The following AFF4 variants were observed in gnomAD, a reference collection of about 807,000 sequenced individuals.
AFF4 encodes the protein ALF transcription elongation factor 4.
In AFF4, 13 loss-of-function variants were observed where a neutral mutation model predicts 124.8. The ratio of observed to expected loss-of-function variants is 0.10; its 90% CI spans 0.07 to 0.17. AFF4 has a LOEUF of 0.17. Ranked by LOEUF, AFF4 falls within the 10% of genes least tolerant of loss-of-function variation. AFF4 has a pLI of 1.00. For missense variants in AFF4, 1,092 were observed against 1,403.8 expected, an observed-to-expected ratio of 0.78 and a Z score of 3.55; for synonymous variants, 477 against 496.1, an observed-to-expected ratio of 0.96 and a Z score of 0.51.
intron 1 of AFF4, among the ~76,000 whole-genome samples, chr5:132,946,216 G>A (rs1269381459): frequency 2.0e-5 from 3 of 152,210 alleles, no homozygotes; most frequent in Non-Finnish European, 4.4e-5. Context: ...TGCACTGCTG[G>A]TGGGAATATG....
intron 5 of AFF4, among the ~76,000 whole-genome samples, chr5:132,907,925 T>C (rs1462720152): frequency 6.6e-6 from 1 of 152,106 alleles, no homozygotes; most frequent in African/African-American, 2.4e-5. Flanking sequence ...TAGACCATAT[T>C]AAAGACCTGT....
rs191453504 is a variant in AFF4, at chr5:132,923,033, G to A, written c.1050+4088C>T. 5.4e-3 allele frequency among the ~76,000 whole-genome samples: 820 copies of A among 151,078 alleles called. 4 individuals are homozygous for A. The highest frequency in any genetic ancestry group is 0.028 in the Middle Eastern group (8 of 286). ...CTACTAAAAACACAAAAAAGTAGCC[G>A]GGCGTGGTGGTGCGTACCTGTAGTC... On this transcript the variant is annotated intron_variant, in intron 5 of 20. Transcript: ENST00000265343.
chr5:132,951,320 A>T (rs1401181374), intron 1 of AFF4, among the ~76,000 whole-genome samples: 3 of 152,208 alleles, frequency 2.0e-5, no homozygotes, highest in African/African-American at 7.2e-5. Context: ...GCAACCACTC[A>T]TTTTATAAAA....
Position 132,879,902 on chromosome 5 carries a change from T to G in AFF4, c.*1157A>C, listed in dbSNP as rs906265500. On this transcript the variant is annotated 3_prime_UTR_variant, in exon 21 of 21. Coordinates refer to ENST00000265343, the MANE Select transcript of AFF4 (RefSeq NM_014423.4). ...GAGGGCCTTCATAATGCAAAAGGAG[T>G]AAACAGAAGATAGGTTTAAAAAGGA... is the stretch of plus-strand genomic sequence containing the variant. 1.1e-5 allele frequency: 3 copies of G among 273,332 alleles called. No individual in the cohort carries two copies. Among genetic ancestry groups the G allele is most frequent in the Non-Finnish European group, 2.1e-5 (3 of 145,866 alleles). 16.9% of individuals were successfully genotyped at this position (273,332 alleles called of 1,614,324 possible). A position where few individuals can be genotyped will look rare whatever the true frequency, so the allele number is the denominator to read the frequency against.
At chr5:132,904,553 G>C in intron 5 of AFF4, 149 bp from the exon 6 acceptor site, 1 of 659,684 alleles carries the variant, frequency 1.5e-6, no homozygotes, top group Non-Finnish European at 2.6e-6. Context: ...GGCAATTTTG[G>C]GATCAATAAT....
chr5:132,905,162 A>G (rs1385311623), intron 5 of AFF4, among the ~76,000 whole-genome samples: 1 of 152,050 alleles, frequency 6.6e-6, no homozygotes, highest in Non-Finnish European at 1.5e-5. Context: ...TATATACATT[A>G]GCAACGTGAG....
intron 1 of AFF4, among the ~76,000 whole-genome samples, chr5:132,954,580 C>T (rs575224428): frequency 2.0e-3 from 283 of 139,978 alleles, no homozygotes; most frequent in Non-Finnish European, 3.2e-3. Flanking sequence ...CGGAGTCTCG[C>T]TCTGTCGCCC....
At chr5:132,945,820 G>A (rs1000637995) in intron 1 of AFF4, among the ~76,000 whole-genome samples, 4 of 151,856 alleles carry the variant, frequency 2.6e-5, no homozygotes, top group African/African-American at 7.3e-5. Flanking sequence ...TAGCACTTTC[G>A]CAGGCTGAGG....
intron 5 of AFF4, among the ~76,000 whole-genome samples, chr5:132,911,382 T>A (rs1370567333): frequency 1.3e-5 from 2 of 152,074 alleles, no homozygotes; most frequent in Non-Finnish European, 2.9e-5. Flanking sequence ...AATATCTGTT[T>A]AATTAATAAA....
chr5:132,884,969 G>C, intron 19 of AFF4, 107 bp downstream of exon 19: 2 of 678,750 alleles, frequency 2.9e-6, no homozygotes, highest in Non-Finnish European at 4.9e-6. Flanking sequence ...ATCAGAGATG[G>C]TTTTACTTAT....
At chr5:132,946,673 G>T (rs1307141931) in intron 1 of AFF4, among the ~76,000 whole-genome samples, 3 of 152,178 alleles carry the variant, frequency 2.0e-5, no homozygotes, top group South Asian at 2.1e-4. Context: ...GGGAGGTTCT[G>T]TTTGGGATGA....
intron 7 of AFF4, among the ~76,000 whole-genome samples, chr5:132,901,900 G>C (rs1448186265): frequency 2.0e-5 from 3 of 152,060 alleles, no homozygotes; most frequent in African/African-American, 7.2e-5. Flanking sequence ...CTGGAATACT[G>C]CCACACTTAG....
chr5:132,893,139 G>A (rs200133775), intron 11 of AFF4, 21 bp from the exon 12 acceptor site: 44 of 1,606,870 alleles, frequency 2.7e-5, no homozygotes, highest in East Asian at 2.2e-4. Context: ...AATAGAAACC[G>A]TGGTCTGATT....
intron 7 of AFF4, chr5:132,901,216 A>C: frequency 1.1e-6 from 1 of 941,380 alleles, no homozygotes; most frequent in Non-Finnish European, 1.3e-6. Flanking sequence ...ACACATGTGA[A>C]TATGTCAAAG....
Position 132,918,656 on chromosome 5 carries a change from A to G in AFF4, c.1050+8465T>C, listed in dbSNP as rs189080193. On this transcript the variant is annotated intron_variant, in intron 5 of 20. Coordinates refer to ENST00000265343, the MANE Select transcript of AFF4 (RefSeq NM_014423.4). ...TGACAGAGTGACACTCTTTCAAAAA[A>G]CAAAAAGATAACTCTAACAAAAGAT... 3.3e-4 allele frequency among the ~76,000 whole-genome samples: 51 copies of G among 152,314 alleles called. No individual in the cohort carries two copies. In the East Asian group the frequency reaches 8.9e-3, roughly 26 times the overall value.
intron 4 of AFF4, among the ~76,000 whole-genome samples, chr5:132,929,511 T>C (rs1478524228): frequency 1.3e-5 from 2 of 152,060 alleles, no homozygotes; most frequent in African/African-American, 4.8e-5. Flanking sequence ...GAGATTCAAA[T>C]GAAAGAGCTA....
At chr5:132,922,632 T>G (rs1761073801) in intron 5 of AFF4, among the ~76,000 whole-genome samples, 1 of 141,004 alleles carries the variant, frequency 7.1e-6, no homozygotes, top group African/African-American at 2.7e-5. Flanking sequence ...ATACAAAAAT[T>G]AGCTAGGCGT....
At chr5:132,933,234 C>T (rs1261304352) in intron 3 of AFF4, among the ~76,000 whole-genome samples, 1 of 151,906 alleles carries the variant, frequency 6.6e-6, no homozygotes, top group African/African-American at 2.4e-5. Context: ...CCCATCTCTA[C>T]TAAAAATACA....
intron 5 of AFF4, among the ~76,000 whole-genome samples, chr5:132,923,758 G>A (rs1320884767): frequency 6.6e-6 from 1 of 152,022 alleles, no homozygotes; most frequent in Non-Finnish European, 1.5e-5. Flanking sequence ...AAATAAATAA[G>A]TAAAATTTAA....
Sources: allele counts gnomAD v4.1 joint callset (sites outside exome capture counted in the v4.1 genomes callset), GRCh38; gene constraint gnomAD v4.1.1; transcripts MANE v1.5; gene names NCBI Gene and HGNC (gene_info 2026-07-23, HGNC 2026-07-21).